Variants in ELP3 observed in about 807,000 individuals in gnomAD.
ELP3 encodes the protein elongator complex protein 3.
Under a neutral mutation model 74.9 loss-of-function variants are expected in ELP3, and 56 were observed. The ratio of observed to expected loss-of-function variants is 0.75; its 90% CI spans 0.60 to 0.93. The LOEUF is 0.93. ELP3 is among the 40% of genes least tolerant of loss of function. The pLI is 0.00. For synonymous variants in ELP3, 222 were observed against 239.8 expected, an observed-to-expected ratio of 0.93 and a Z score of 0.68; for missense variants, 573 against 686.5, an observed-to-expected ratio of 0.83 and a Z score of 1.85.
At chr8:28,131,320 C>A (rs1812779114) in intron 8 of ELP3, among the ~76,000 whole-genome samples, 1 of 152,216 alleles carries the variant, frequency 6.6e-6, no homozygotes, top group South Asian at 2.1e-4. Context: ...TCTGTGCCTG[C>A]AACTGAGTTT....
intron 10 of ELP3, among the ~76,000 whole-genome samples, chr8:28,150,379 T>A (rs1813596428): frequency 6.6e-6 from 1 of 152,232 alleles, no homozygotes; most frequent in African/African-American, 2.4e-5. Flanking sequence ...TTAACGTTTC[T>A]TGCAAGGCAG....
At chr8:28,092,682 T>A (rs960493064), upstream of ELP3, among the ~76,000 whole-genome samples, 2 of 152,170 alleles carry the variant, frequency 1.3e-5, no homozygotes, top group Non-Finnish European at 2.9e-5. Context: ...TCCCAAAGCC[T>A]GCACCTCGGA....
chr8:28,120,248 G>A (rs555188076), intron 7 of ELP3, among the ~76,000 whole-genome samples: 1 of 152,288 alleles, frequency 6.6e-6, no homozygotes, highest in East Asian at 1.9e-4. Context: ...AACATATGGT[G>A]TAGTCACTCT....
intron 1 of ELP3, among the ~76,000 whole-genome samples, chr8:28,094,931 A>G (rs1811196632): frequency 1.3e-5 from 2 of 152,280 alleles, no homozygotes; most frequent in Admixed American, 6.5e-5. Flanking sequence ...TTGTACCGAT[A>G]ATATTCTTAC....
At chr8:28,175,943 T>C (rs1814735171) in intron 14 of ELP3, among the ~76,000 whole-genome samples, 1 of 151,568 alleles carries the variant, frequency 6.6e-6, no homozygotes, top group Non-Finnish European at 1.5e-5. Context: ...GCCTCCCTAG[T>C]AGCTGGGATT....
chr8:28,128,729 A>G (rs920995557), intron 7 of ELP3, among the ~76,000 whole-genome samples: 2 of 152,188 alleles, frequency 1.3e-5, no homozygotes, highest in Non-Finnish European at 1.5e-5. Flanking sequence ...AGGATTCAGT[A>G]CTAGAGTGTG....
At chr8:28,173,269 T>C (rs1032848505) in intron 14 of ELP3, among the ~76,000 whole-genome samples, 1 of 152,032 alleles carries the variant, frequency 6.6e-6, no homozygotes, top group African/African-American at 2.4e-5. Context: ...CTTTTTCTTA[T>C]TGGGACATTT....
chr8:28,189,475 T>G (rs1432404126), intron 14 of ELP3, among the ~76,000 whole-genome samples, 174 bp from the exon 15 acceptor site: 1 of 152,212 alleles, frequency 6.6e-6, no homozygotes, highest in African/African-American at 2.4e-5. Context: ...GTTTCTATAT[T>G]TTAATGCAGC....
chr8:28,186,541 C>G (rs969197898), intron 14 of ELP3, among the ~76,000 whole-genome samples: 1 of 152,168 alleles, frequency 6.6e-6, no homozygotes, highest in African/African-American at 2.4e-5. Flanking sequence ...TCCCTAAGTC[C>G]ATTTTCGATT....
At chr8:28,092,070 A>G (rs770010108), upstream of ELP3, among the ~76,000 whole-genome samples, 1 of 152,152 alleles carries the variant, frequency 6.6e-6, no homozygotes, top group Non-Finnish European at 1.5e-5. Context: ...ATTCAACAGA[A>G]GTGTTGTAAG....
intron 14 of ELP3, among the ~76,000 whole-genome samples, chr8:28,182,130 AG>A (rs1407572570): frequency 9.8e-5 from 15 of 152,332 alleles, no homozygotes; most frequent in Middle Eastern, 3.4e-3. Flanking sequence ...TTAGAACAGA[AG>A]GCTGCAGTAA....
chr8:28,131,699 G>A (rs904636641), intron 8 of ELP3, among the ~76,000 whole-genome samples: 5 of 152,134 alleles, frequency 3.3e-5, no homozygotes, highest in Non-Finnish European at 5.9e-5. Flanking sequence ...ATTTATCCAC[G>A]TGACCCCAAA....
At chr8:28,114,500 G>A (rs892911943) in intron 7 of ELP3, among the ~76,000 whole-genome samples, 4 of 151,950 alleles carry the variant, frequency 2.6e-5, no homozygotes, top group Admixed American at 1.3e-4. Context: ...ATCACATGAC[G>A]GGTGCAGGGA....
intron 14 of ELP3, among the ~76,000 whole-genome samples, chr8:28,164,208 C>A (rs186907170): frequency 4.4e-4 from 67 of 152,254 alleles, no homozygotes; most frequent in African/African-American, 1.6e-3. Context: ...GAGGTCATAT[C>A]CAATTGCTCA....
intron 13 of ELP3, among the ~76,000 whole-genome samples, chr8:28,161,753 TTA>T (rs1189760479): frequency 6.6e-6 from 1 of 152,196 alleles, no homozygotes; most frequent in African/African-American, 2.4e-5. Flanking sequence ...TGTGAATAGA[TTA>T]CATCATCCAC....
intron 14 of ELP3, among the ~76,000 whole-genome samples, chr8:28,185,524 G>T (rs1172134005): frequency 6.6e-6 from 1 of 152,224 alleles, no homozygotes; most frequent in East Asian, 1.9e-4. Context: ...GACCTGCGCA[G>T]TGTGATTACT....
chr8:28,141,558 C>A (rs923469658), intron 10 of ELP3, among the ~76,000 whole-genome samples: 2 of 152,140 alleles, frequency 1.3e-5, no homozygotes, highest in Non-Finnish European at 2.9e-5. Context: ...ATGTTAACTT[C>A]CTCATTTTGA....
rs1218189489 is a variant in ELP3 at position 28,147,402 on chromosome 8, A to T, written c.1101-8540A>T. The stretch of plus-strand genomic sequence containing the variant: ...AACTGCAGTTGTTGGGAGATTAGTT[A>T]CATTGAGCAAAGAAGTTATTTGATT... On this transcript the variant is annotated intron_variant, in intron 10 of 14. Coordinates refer to ENST00000256398, the MANE Select transcript of ELP3 (RefSeq NM_018091.6). The surrounding 1 kb of genome is among the most constrained non-coding windows in gnomAD (Gnocchi z 4.5). Among the ~76,000 whole-genome samples, 1 of 152,206 alleles carries T rather than the reference A, an allele frequency of 6.6e-6. No individual in the cohort carries two copies. Among genetic ancestry groups the T allele is most frequent in the Non-Finnish European group, 1.5e-5 (1 of 68,032 alleles).
intron 1 of ELP3, among the ~76,000 whole-genome samples, chr8:28,096,675 C>T (rs1451618962): frequency 2.0e-5 from 3 of 152,128 alleles, no homozygotes; most frequent in Admixed American, 2.0e-4. Flanking sequence ...GGTGGACAGA[C>T]AATATTTTAG....
Sources: allele counts gnomAD v4.1 joint callset (sites outside exome capture counted in the v4.1 genomes callset), GRCh38; gene constraint gnomAD v4.1.1; non-coding constraint Gnocchi (gnomAD v3.1); transcripts MANE v1.5; gene names NCBI Gene and HGNC (gene_info 2026-07-23, HGNC 2026-07-21).